MYNN: variants seen among roughly 807,000 people sequenced by gnomAD.
The protein encoded by MYNN is zinc finger and BTB domain-containing protein 31.
MYNN carries 22 observed loss-of-function variants against 57.2 expected under a neutral mutation model. The ratio of observed to expected loss-of-function variants is 0.38; its 90% CI spans 0.27 to 0.55. The LOEUF is 0.55. Ranked by LOEUF, MYNN falls within the 20% of genes least tolerant of loss-of-function variation. The pLI is 0.71. For missense variants in MYNN, 566 were observed against 723.1 expected, an observed-to-expected ratio of 0.78 and a Z score of 2.49; for synonymous variants, 241 against 257.1, an observed-to-expected ratio of 0.94 and a Z score of 0.60.
Position 169,774,472 on chromosome 3 carries a change from C to T in MYNN, c.177C>T (p.Asn59=). 1.9e-6 allele frequency: 3 copies of T among 1,614,006 alleles called. No individual in the cohort carries two copies. The highest frequency in any genetic ancestry group is 2.5e-6 in the Non-Finnish European group (3 of 1,179,960). ...FGAIYRSTSE[N]NVFLDQSQVK... is the part of the protein sequence containing the mutation. ...CGATCTACAGAAGCACTTCTGAGAA[C>T]AATGTCTTTCTTGATCAGAGTCAGG... The change falls in exon 2 of 8, where the codon AAC becomes AAT. Residue 59 remains asparagine, a synonymous_variant. Transcript: ENST00000349841.
intron 2 of MYNN, among the ~76,000 whole-genome samples, chr3:169,775,814 G>A (rs1358832322): frequency 1.3e-5 from 2 of 151,972 alleles, no homozygotes; most frequent in African/African-American, 2.4e-5. Context: ...TATACATTAA[G>A]CAAAATCTTT....
rs1385041168 is a variant in MYNN at position 169,774,370 on chromosome 3, C to T, written c.75C>T (p.Asp25=). Residue 25 remains aspartate, a synonymous_variant, in exon 2 of 8, where the codon GAC becomes GAT. Coordinates refer to ENST00000349841, the MANE Select transcript of MYNN (RefSeq NM_018657.5). ...AGCGGGAAGCAGGTTTTCTCTGTGA[C>T]TGTACCATAGTGATTGGGGAATTCC... The part of the protein sequence containing the change: ...NKQREAGFLC[D]CTIVIGEFQF... 2 of 1,613,956 alleles carry T rather than the reference C, an allele frequency of 1.2e-6. No individual in the cohort carries two copies. Among genetic ancestry groups the T allele is most frequent in the Non-Finnish European group, 1.7e-6 (2 of 1,179,946 alleles).
rs748715535 is a variant in MYNN, at chr3:169,774,463, T to C, written c.168T>C (p.Thr56=). The C allele has an allele frequency of 6.2e-7, 1 of 1,614,116 alleles. No homozygotes were observed. Among genetic ancestry groups the C allele is most frequent in the South Asian group, 1.1e-5 (1 of 91,088 alleles). The change falls in exon 2 of 8, where the codon ACT becomes ACC. Residue 56 remains threonine, a synonymous_variant. Coordinates refer to ENST00000349841, the MANE Select transcript of MYNN (RefSeq NM_018657.5). ...ATTTTGGTGCGATCTACAGAAGCAC[T>C]TCTGAGAACAATGTCTTTCTTGATC... The part of the protein sequence containing the change: ...SEYFGAIYRS[T]SENNVFLDQS...
chr3:169,788,687 T>C lies in MYNN; in HGVS notation c.*2009T>C, dbSNP rs536887748. ...TTATTTTTAGTATTATTTGATACGATTGAAGTGGCTAAGATTGATTGAGCT... is the reference window on the plus strand; with the variant it reads ...TTATTTTTAGTATTATTTGATACGACTGAAGTGGCTAAGATTGATTGAGCT... On this transcript the variant is annotated 3_prime_UTR_variant, in exon 8 of 8. Transcript: ENST00000349841. 8 of 152,182 alleles carry C rather than the reference T, an allele frequency of 5.3e-5. No individual in the cohort carries two copies. Among genetic ancestry groups the C allele is most frequent in the African/African-American group, 1.4e-4 (6 of 41,464 alleles). The allele number at this position is 152,182 out of a possible 1,614,324, so 9.4% of individuals were successfully genotyped here.
At chr3:169,781,424 TG>T (rs1778513102) in intron 4 of MYNN, among the ~76,000 whole-genome samples, 1 of 152,184 alleles carries the variant, frequency 6.6e-6, no homozygotes, top group Non-Finnish European at 1.5e-5. Context: ...TGGTTTGAGC[TG>T]AAGATAACAG....
intron 1 of MYNN, chr3:169,774,053 C>G: frequency 2.2e-6 from 1 of 446,270 alleles, no homozygotes; most frequent in South Asian, 4.0e-5. Context: ...TTGCCATTCA[C>G]CGTCACTTAT....
Position 169,786,698 on chromosome 3 carries a change from T to C in MYNN, c.*20T>C. On this transcript the variant is annotated 3_prime_UTR_variant, in exon 8 of 8. Transcript: ENST00000349841. ...TACTGACTTTGTAAGGAATATGGAATTGCTAAGATATCATTGGTAGCAAAC... is the reference window on the plus strand; with the variant it reads ...TACTGACTTTGTAAGGAATATGGAACTGCTAAGATATCATTGGTAGCAAAC... 6.2e-7 allele frequency: 1 copy of C among 1,604,290 alleles called. No individual in the cohort carries two copies. The highest frequency in any genetic ancestry group is 8.5e-7 in the Non-Finnish European group (1 of 1,173,314).
Position 169,779,502 on chromosome 3 carries a change from T to TA in MYNN, c.1002dup (p.Cys335MetfsTer9). The stretch of plus-strand genomic sequence containing the variant: ...GGAGTCAAACCTTACGTCTGCCACT[T>TA]ATGTGGAAAGGCATTTACCCAATGT... On this transcript the variant is annotated frameshift_variant, in exon 3 of 8. Transcript: ENST00000349841. LOFTEE classifies it high-confidence loss of function. 1.9e-6 allele frequency: 3 copies of TA among 1,614,214 alleles called. No homozygotes were observed. Among genetic ancestry groups the TA allele is most frequent in the Non-Finnish European group, 2.5e-6 (3 of 1,180,042 alleles).
chr3:169,773,609 C>T (rs1386997203), intron 1 of MYNN, 147 bp downstream of exon 1: 9 of 153,000 alleles, frequency 5.9e-5, no homozygotes, highest in African/African-American at 1.7e-4. Flanking sequence ...TGGGCCACAA[C>T]CTCTGCTGTG....
At chr3:169,778,064 A>G (rs1778398457) in intron 2 of MYNN, 1 of 152,464 alleles carries the variant, frequency 6.6e-6, no homozygotes, top group South Asian at 2.1e-4. Context: ...CCCTGCCTCT[A>G]CAAAAAAAAT....
chr3:169,777,908 A>G (rs561348185), intron 2 of MYNN: 1 of 152,322 alleles, frequency 6.6e-6, no homozygotes, highest in Non-Finnish European at 1.5e-5. Context: ...GATTCCTCTA[A>G]GCAACATTGG....
Position 169,783,476 on chromosome 3 carries a change from G to C in MYNN, c.1400-1G>C. ...TTCGCTATCTTTTATTTTCCATCTA[G>C]GTGAAAAACCATACATATGTGGTAT... On this transcript the variant is annotated splice_acceptor_variant, in intron 5 of 7. Coordinates refer to ENST00000349841, the MANE Select transcript of MYNN (RefSeq NM_018657.5). LOFTEE classifies it high-confidence loss of function. 1 of 1,590,968 alleles carries C rather than the reference G, an allele frequency of 6.3e-7. No individual in the cohort carries two copies. The highest frequency in any genetic ancestry group is 8.6e-7 in the Non-Finnish European group (1 of 1,161,438).
At position 169,787,478 on chromosome 3, in the gene MYNN, G is replaced by A. The variant is rs573801541; in HGVS notation, c.*800G>A. The A allele has an allele frequency of 3.7e-4, 57 of 152,118 alleles. No individual in the cohort carries two copies. Among genetic ancestry groups the A allele is most frequent in the Non-Finnish European group, 2.8e-4 (19 of 67,920 alleles). The allele number at this position is 152,118 out of a possible 1,614,324, so 9.4% of individuals were successfully genotyped here. On this transcript the variant is annotated 3_prime_UTR_variant, in exon 8 of 8. Coordinates refer to ENST00000349841, the MANE Select transcript of MYNN (RefSeq NM_018657.5). ...TTGGAGATGAGGAAAATGTACTTGA[G>A]TTTTGAAATATTTTGGTAAGCCTCT...
chr3:169,775,407 C>G (rs529295246), intron 2 of MYNN, among the ~76,000 whole-genome samples: 2 of 152,164 alleles, frequency 1.3e-5, no homozygotes, highest in African/African-American at 4.8e-5. Flanking sequence ...ATTTCTGTCT[C>G]TCTTATGAAA....
chr3:169,774,265 A>G lies in MYNN; in HGVS notation c.-31A>G, dbSNP rs770427794. On this transcript the variant is annotated splice_region_variant and 5_prime_UTR_variant, in exon 2 of 8. Transcript: ENST00000349841. ...TTTACTGTTTCTTTTTGTCTTTTAG[A>G]TCAAGGGTAAAATTCCATTCTGATA... 1.2e-6 allele frequency: 2 copies of G among 1,604,380 alleles called. No individual in the cohort carries two copies. Among genetic ancestry groups the G allele is most frequent in the Non-Finnish European group, 1.7e-6 (2 of 1,173,126 alleles).
intron 7 of MYNN, among the ~76,000 whole-genome samples, chr3:169,785,737 C>T (rs1352520356): frequency 1.3e-5 from 2 of 152,002 alleles, no homozygotes; most frequent in African/African-American, 4.8e-5. Flanking sequence ...TTTACGAAAG[C>T]AGTTTTGTCT....
chr3:169,778,750 A>G lies in MYNN; in HGVS notation c.267-18A>G, dbSNP rs376816949. ...TTCTTTGATCAGAATATTGTCATGT[A>G]GCCTTGTTTCCTTGCAGTTGGAATG... On this transcript the variant is annotated intron_variant, in intron 2 of 7. Transcript: ENST00000349841. The G allele has an allele frequency of 1.3e-5, 21 of 1,564,602 alleles. No individual in the cohort carries two copies. The highest frequency in any genetic ancestry group is 1.8e-5 in the Non-Finnish European group (21 of 1,160,170).
At chr3:169,786,012 G>A (rs1778666401) in intron 7 of MYNN, among the ~76,000 whole-genome samples, 2 of 151,946 alleles carry the variant, frequency 1.3e-5, no homozygotes, top group Non-Finnish European at 2.9e-5. Flanking sequence ...ATATTTTGAG[G>A]GAGTTAAAGA....
Position 169,774,461 on chromosome 3 carries a change from A to G in MYNN, c.166A>G (p.Thr56Ala), listed in dbSNP as rs781355992. 12 of 1,614,120 alleles carry G rather than the reference A, an allele frequency of 7.4e-6. No homozygotes were observed. Among genetic ancestry groups the G allele is most frequent in the Middle Eastern group, 1.6e-4 (1 of 6,062 alleles). Residue 56 changes from threonine (T) to alanine (A), a missense_variant, in exon 2 of 8, where the codon ACT becomes GCT. Thr to Ala is a moderately conservative substitution (Grantham distance 58). Coordinates refer to ENST00000349841, the MANE Select transcript of MYNN (RefSeq NM_018657.5). ...GTATTTTGGTGCGATCTACAGAAGCACTTCTGAGAACAATGTCTTTCTTGA... is the reference window on the plus strand; with the variant it reads ...GTATTTTGGTGCGATCTACAGAAGCGCTTCTGAGAACAATGTCTTTCTTGA... Reference protein sequence around the residue: ...SEYFGAIYRSTSENNVFLDQS... With the variant: ...SEYFGAIYRSASENNVFLDQS...
Sources: allele counts gnomAD v4.1 joint callset (sites outside exome capture counted in the v4.1 genomes callset), GRCh38; gene constraint gnomAD v4.1.1; transcripts MANE v1.5; gene names NCBI Gene and HGNC (gene_info 2026-07-23, HGNC 2026-07-21).